The following SSBP3 variants were observed in gnomAD, a reference collection of about 807,000 sequenced individuals.
SSBP3 encodes single-stranded DNA-binding protein 3.
Under a neutral mutation model 69.6 loss-of-function variants are expected in SSBP3, and 5 were observed. The ratio of observed to expected loss-of-function variants is 0.07; its 90% CI spans 0.04 to 0.15. The LOEUF is 0.15. Among genes scored for constraint, SSBP3 ranks in the 10% least tolerant of loss-of-function variants. SSBP3 has a pLI of 1.00. For missense variants in SSBP3, 312 were observed against 534.0 expected, an observed-to-expected ratio of 0.58 and a Z score of 4.10; for synonymous variants, 196 against 193.4, an observed-to-expected ratio of 1.01 and a Z score of -0.11.
chr1:54,313,499 C>A (rs1012025949), intron 4 of SSBP3, among the ~76,000 whole-genome samples: 2 of 126,448 alleles, frequency 1.6e-5, no homozygotes, highest in Non-Finnish European at 3.1e-5. Flanking sequence ...GTTGCCGAGG[C>A]TGGGTTAAAA....
intron 13 of SSBP3, among the ~76,000 whole-genome samples, chr1:54,240,472 A>AAAGGG (rs1553123335): frequency 1.6e-5 from 1 of 63,342 alleles, no homozygotes; most frequent in Non-Finnish European, 3.0e-5. Context: ...GAAAAAAAAA[A>AAAGGG]GGGGGGGGGG....
intron 4 of SSBP3, chr1:54,286,912 C>T (rs1232837542): frequency 1.3e-5 from 2 of 152,258 alleles, no homozygotes; most frequent in Non-Finnish European, 2.9e-5. Flanking sequence ...CCAGAGTACC[C>T]CAAATTCCAG....
intron 4 of SSBP3, among the ~76,000 whole-genome samples, chr1:54,338,263 T>C (rs144901521): frequency 2.0e-5 from 3 of 152,376 alleles, no homozygotes; most frequent in African/African-American, 7.2e-5. Flanking sequence ...CGGGCTGATA[T>C]GCTTGCCTTG....
intron 11 of SSBP3, 149 bp from the exon 12 acceptor site, chr1:54,241,658 G>A (rs1644640436): frequency 1.3e-6 from 1 of 786,804 alleles, no homozygotes; most frequent in East Asian, 2.6e-5. Flanking sequence ...GGAGGGCTGG[G>A]ACGTGGCTGA....
intron 5 of SSBP3, among the ~76,000 whole-genome samples, chr1:54,278,430 C>A (rs955882535): frequency 1.3e-5 from 2 of 152,018 alleles, no homozygotes; most frequent in Non-Finnish European, 1.5e-5. Flanking sequence ...CGGGACCAGA[C>A]AGGTACTGCC....
chr1:54,298,995 T>A (rs777984860), intron 4 of SSBP3, among the ~76,000 whole-genome samples: 1 of 139,470 alleles, frequency 7.2e-6, no homozygotes, highest in Non-Finnish European at 1.6e-5. Context: ...GAGCTGAGGA[T>A]AGGCATGGAG....
At chr1:54,367,493 T>C (rs1173114231) in intron 4 of SSBP3, among the ~76,000 whole-genome samples, 2 of 152,134 alleles carry the variant, frequency 1.3e-5, no homozygotes, top group South Asian at 2.1e-4. Flanking sequence ...TCAATTAATA[T>C]GTATTAAGTC....
intron 4 of SSBP3, among the ~76,000 whole-genome samples, chr1:54,369,255 G>T (rs180820577): frequency 8.9e-4 from 128 of 144,156 alleles, no homozygotes; most frequent in African/African-American, 3.1e-3. Flanking sequence ...TGGGAAAGGC[G>T]AGGGTTTGAG....
chr1:54,383,001 AG>A (rs1287235659), intron 4 of SSBP3, among the ~76,000 whole-genome samples: 2 of 148,794 alleles, frequency 1.3e-5, no homozygotes, highest in African/African-American at 2.5e-5. Context: ...AAAAAAAAAA[AG>A]AAGAGAGAGA....
chr1:54,361,854 A>G (rs1646956977), intron 4 of SSBP3, among the ~76,000 whole-genome samples: 1 of 152,168 alleles, frequency 6.6e-6, no homozygotes, highest in African/African-American at 2.4e-5. Flanking sequence ...CAAAAGCCCT[A>G]ATTTTTAACT....
chr1:54,317,352 C>T (rs181740959), intron 4 of SSBP3, among the ~76,000 whole-genome samples: 2 of 152,236 alleles, frequency 1.3e-5, no homozygotes, highest in African/African-American at 4.8e-5. Flanking sequence ...GTCTGGGCAA[C>T]ACAGTGAAAA....
At chr1:54,227,247 G>A (rs1439577659) in intron 17 of SSBP3, 87 bp from the exon 18 acceptor site, 10 of 816,062 alleles carry the variant, frequency 1.2e-5, no homozygotes, top group Non-Finnish European at 2.2e-5. Flanking sequence ...TGGGGTGACT[G>A]CACAGAACTG....
chr1:54,279,882 T>G (rs1018222405), intron 5 of SSBP3, among the ~76,000 whole-genome samples: 12 of 152,348 alleles, frequency 7.9e-5, no homozygotes, highest in African/African-American at 2.4e-4. Context: ...GGTCTAACTC[T>G]CAACCCATCT....
intron 5 of SSBP3, among the ~76,000 whole-genome samples, chr1:54,272,489 A>T (rs57816961): frequency 0.029 from 4,230 of 146,220 alleles, 189 homozygotes; most frequent in African/African-American, 0.092. Flanking sequence ...CCTTTTTTTT[A>T]AAAAAAAAAA....
chr1:54,294,319 C>G (rs953181763), intron 4 of SSBP3, among the ~76,000 whole-genome samples: 2 of 152,056 alleles, frequency 1.3e-5, no homozygotes, highest in Non-Finnish European at 1.5e-5. Context: ...CTCGCCCCTC[C>G]CCTCCAAATA....
chr1:54,396,160 C>G (rs541909281), intron 4 of SSBP3, among the ~76,000 whole-genome samples: 15 of 137,452 alleles, frequency 1.1e-4, no homozygotes, highest in African/African-American at 4.3e-4. Flanking sequence ...CCATGGCACT[C>G]CAGCCTGGGT....
At position 54,247,587 on chromosome 1, in the gene SSBP3, C is replaced by T. The variant is rs974419759; in HGVS notation, c.651+4029G>A. On this transcript the variant is annotated intron_variant, in intron 9 of 17. Transcript: ENST00000610401. ...AGATGGGGGTGGCATAGGATTGTCC[C>T]AGGGGCTGTGGATTCTCCTTCATCT... 2.0e-4 allele frequency among the ~76,000 whole-genome samples: 31 copies of T among 152,180 alleles called. 1 individual carries two copies. The highest frequency in any genetic ancestry group is 2.0e-3 in the Admixed American group (31 of 15,270).
chr1:54,365,269 G>A (rs933496532), intron 4 of SSBP3, among the ~76,000 whole-genome samples: 1 of 152,172 alleles, frequency 6.6e-6, no homozygotes, highest in South Asian at 2.1e-4. Flanking sequence ...AATGTCGAAA[G>A]GCCCTTGGCA....
intron 9 of SSBP3, among the ~76,000 whole-genome samples, chr1:54,246,965 G>C (rs370016633): frequency 3.3e-5 from 5 of 152,256 alleles, no homozygotes; most frequent in African/African-American, 1.2e-4. Flanking sequence ...CTGTACAAGG[G>C]TCGGTTACCA....
Sources: allele counts gnomAD v4.1 joint callset (sites outside exome capture counted in the v4.1 genomes callset), GRCh38; gene constraint gnomAD v4.1.1; transcripts MANE v1.5; gene names NCBI Gene and HGNC (gene_info 2026-07-23, HGNC 2026-07-21).